The following ZNF284 variants were observed in gnomAD, a reference collection of about 807,000 sequenced individuals.
ZNF284 encodes zinc finger protein 284.
A neutral mutation model predicts 12.9 loss-of-function variants in ZNF284; 12 were observed. That is an observed-to-expected ratio of 0.93 (90% CI 0.60 to 1.51). The LOEUF is 1.51. Ranked by LOEUF, ZNF284 falls within the 40% of genes most tolerant of loss-of-function variation. The probability of loss-of-function intolerance (pLI) is 0.00; values close to 1 mark genes in which losing one functional copy is unlikely to be tolerated. For synonymous variants in ZNF284, 225 were observed against 236.5 expected (o/e 0.95, Z 0.45); for missense variants, 667 against 707.3 (o/e 0.94, Z 0.65).
chr19:44,080,249 A>G (rs866341944), intron 2 of ZNF284, among the ~76,000 whole-genome samples: 42 of 151,556 alleles, frequency 2.8e-4, no homozygotes, highest in African/African-American at 1.0e-3. Flanking sequence ...CAGAGGACCC[A>G]CTCCATGGCT....
intron 2 of ZNF284, among the ~76,000 whole-genome samples, chr19:44,079,541 C>G (rs1335002220): frequency 6.6e-6 from 1 of 152,026 alleles, no homozygotes; most frequent in Admixed American, 6.5e-5. Flanking sequence ...AACCCTGTCT[C>G]TACTAAAAAT....
At position 44,087,137 on chromosome 19, in the gene ZNF284, C is replaced by T; in HGVS notation, c.1659C>T (p.Cys553=). The change falls in exon 5 of 5, where the codon TGC becomes TGT. Residue 553 remains cysteine (C), a synonymous_variant. Coordinates refer to ENST00000421176, the MANE Select transcript of ZNF284 (RefSeq NM_001037813.4). Reference sequence around the variant, plus strand: ...GGAAGAGCAGTGAGCACAGTTCATGCCTTCAAGACCAACAAAGCGACCACA... The same window carrying T: ...GGAAGAGCAGTGAGCACAGTTCATGTCTTCAAGACCAACAAAGCGACCACA... The part of the protein sequence containing the change: ...DCGKSSEHSS[C]LQDQQSDHSG... The T allele has an allele frequency of 6.2e-7, 1 of 1,614,082 alleles. No individual in the cohort carries two copies. Among genetic ancestry groups the T allele is most frequent in the Non-Finnish European group, 8.5e-7 (1 of 1,179,998 alleles).
In ZNF284 at chr19:44,085,008, C is replaced by A. The variant is rs565641127; in HGVS notation, c.236-706C>A. On this transcript the variant is annotated intron_variant, in intron 4 of 4. Coordinates refer to ENST00000421176, the MANE Select transcript of ZNF284 (RefSeq NM_001037813.4). ...CTGGAGTGCACAGCGGAAATGTAAA[C>A]CACTAGGGCTCTCTCACTTACCCTT... Among the ~76,000 whole-genome samples the A allele has an allele frequency of 2.0e-5, 3 of 152,250 alleles. No individual in the cohort carries two copies. In the South Asian group the frequency reaches 6.2e-4, roughly 32 times the overall value.
At chr19:44,081,990 T>TA (rs764506939) in intron 3 of ZNF284, 23 bp from the exon 4 acceptor site, 2 of 1,596,100 alleles carry the variant, frequency 1.3e-6, no homozygotes, top group East Asian at 4.5e-5. Flanking sequence ...GTATTGGGAT[T>TA]AAGCATGTGA....
intron 3 of ZNF284, among the ~76,000 whole-genome samples, chr19:44,081,677 A>T (rs1292830104): frequency 6.6e-6 from 1 of 152,088 alleles, no homozygotes; most frequent in Non-Finnish European, 1.5e-5. Flanking sequence ...GCATCACTGC[A>T]CTCCAGCCTG....
At chr19:44,072,741 G>C (rs2147490125) in intron 1 of ZNF284, among the ~76,000 whole-genome samples, 1 of 152,360 alleles carries the variant, frequency 6.6e-6, no homozygotes, top group Non-Finnish European at 1.5e-5. Context: ...TCTGATTCCT[G>C]CAGGACGCTG....
At chr19:44,085,543 A>G (rs555765918) in intron 4 of ZNF284, among the ~76,000 whole-genome samples, 171 bp from the exon 5 acceptor site, 1 of 148,806 alleles carries the variant, frequency 6.7e-6, no homozygotes, top group South Asian at 2.1e-4. Flanking sequence ...ATGAGACATT[A>G]TGTCATTCAA....
Position 44,086,929 on chromosome 19 carries a change from A to G in ZNF284, c.1451A>G (p.Lys484Arg), listed in dbSNP as rs1179955949. The change falls in exon 5 of 5, where the codon AAA becomes AGA. Residue 484 changes from lysine to arginine, a missense_variant. Lys to Arg is a conservative substitution (Grantham distance 26). Transcript: ENST00000421176. Reference sequence around the variant, plus strand: ...CTCCATACTGGAGAAAAACCATTCAAATGTGAAGAGTGTGGGAAGAGGTTT... The same window carrying G: ...CTCCATACTGGAGAAAAACCATTCAGATGTGAAGAGTGTGGGAAGAGGTTT... ...KRLHTGEKPF[K>R]CEECGKRFTE... 5.6e-6 allele frequency: 9 copies of G among 1,614,214 alleles called. No homozygotes were observed. Among genetic ancestry groups the G allele is most frequent in the Non-Finnish European group, 6.8e-6 (8 of 1,180,038 alleles).
chr19:44,076,253 G>A lies in ZNF284; in HGVS notation c.-68-69G>A, dbSNP rs979595667. Reference sequence around the variant, plus strand: ...CTAATTCACAACACATGTTCATACTGTTGGGTGGCATCACTGACCACCCCT... The same window carrying A: ...CTAATTCACAACACATGTTCATACTATTGGGTGGCATCACTGACCACCCCT... On this transcript the variant is annotated intron_variant, in intron 1 of 4. Coordinates refer to ENST00000421176, the MANE Select transcript of ZNF284 (RefSeq NM_001037813.4). 6.5e-5 allele frequency: 50 copies of A among 766,900 alleles called. 1 individual carries two copies. The highest frequency in any genetic ancestry group is 2.4e-4 in the Admixed American group (10 of 42,140). The allele number at this position is 766,900 out of a possible 1,614,324, so 47.5% of individuals were successfully genotyped here.
intron 2 of ZNF284, among the ~76,000 whole-genome samples, chr19:44,079,373 C>A (rs1024964332): frequency 1.3e-5 from 2 of 152,174 alleles, no homozygotes; most frequent in Non-Finnish European, 2.9e-5. Flanking sequence ...GTGGGCAGAT[C>A]ACCTGAGGTC....
At position 44,082,115 on chromosome 19, in the gene ZNF284, A is replaced by G; in HGVS notation, c.235+10A>G. On this transcript the variant is annotated intron_variant, in intron 4 of 4. Coordinates refer to ENST00000421176, the MANE Select transcript of ZNF284 (RefSeq NM_001037813.4). ...AGAGAAGGGAATTCAGGTAAGAACC[A>G]AGCAACGATGCATCCTTGTACGTGA... 1.2e-6 allele frequency: 2 copies of G among 1,604,068 alleles called. No individual in the cohort carries two copies. Among genetic ancestry groups the G allele is most frequent in the Non-Finnish European group, 1.7e-6 (2 of 1,171,536 alleles).
chr19:44,088,403 G>A lies in ZNF284; in HGVS notation c.*1143G>A, dbSNP rs573578282. On this transcript the variant is annotated 3_prime_UTR_variant, in exon 5 of 5. Transcript: ENST00000421176. ...AAATAGTGTACCTTTGTGTATGTAT[G>A]CCACATTTTCTTTACCATTTTCTGT... is the stretch of plus-strand genomic sequence containing the variant. The A allele has an allele frequency of 6.6e-6, 1 of 152,302 alleles. No individual in the cohort carries two copies. The highest frequency in any genetic ancestry group is 2.1e-4 in the South Asian group (1 of 4,822). 9.4% of individuals were successfully genotyped at this position (152,302 alleles called of 1,614,324 possible). A position where few individuals can be genotyped will look rare whatever the true frequency, so the allele number is the denominator to read the frequency against.
intron 2 of ZNF284, among the ~76,000 whole-genome samples, chr19:44,077,048 G>A (rs992706289): frequency 3.3e-5 from 5 of 152,032 alleles, no homozygotes; most frequent in South Asian, 2.1e-4. Flanking sequence ...TTGAACTCCC[G>A]GCCTCAAGTG....
In ZNF284 at chr19:44,081,993, G is replaced by A. The variant is rs1373372199; in HGVS notation, c.143-20G>A. ...TTTACCTAAGATGTATTGGGATTAA[G>A]CATGTGACTTTGTTCACAGGGCATC... is the stretch of plus-strand genomic sequence containing the variant. On this transcript the variant is annotated intron_variant, in intron 3 of 4. Transcript: ENST00000421176. 6.3e-7 allele frequency: 1 copy of A among 1,599,250 alleles called. No individual in the cohort carries two copies. The highest frequency in any genetic ancestry group is 1.7e-5 in the Admixed American group (1 of 59,492).
chr19:44,087,263 A>G lies in ZNF284; in HGVS notation c.*3A>G. The G allele has an allele frequency of 6.6e-7, 1 of 1,513,948 alleles. No homozygotes were observed. Among genetic ancestry groups the G allele is most frequent in the Non-Finnish European group, 8.9e-7 (1 of 1,126,676 alleles). The allele number at this position is 1,513,948 out of a possible 1,614,324, so 93.8% of individuals were successfully genotyped here. A position where few individuals can be genotyped will look rare whatever the true frequency, so the allele number is the denominator to read the frequency against. ...CATTATTTTTAAATGATATATAATT[A>G]TTGTCCATATTTATGGGTTACAGCA... On this transcript the variant is annotated 3_prime_UTR_variant, in exon 5 of 5. Coordinates refer to ENST00000421176, the MANE Select transcript of ZNF284 (RefSeq NM_001037813.4).
At position 44,088,616 on chromosome 19, in the gene ZNF284, G is replaced by A. The variant is rs1475423578; in HGVS notation, c.*1356G>A. 1 of 152,254 alleles carries A rather than the reference G, an allele frequency of 6.6e-6. No homozygotes were observed. Among genetic ancestry groups the A allele is most frequent in the Non-Finnish European group, 1.5e-5 (1 of 68,052 alleles). 9.4% of individuals were successfully genotyped at this position (152,254 alleles called of 1,614,324 possible). ...TCTACACTGGAGAAAAACCATGGAA[G>A]TGTGGAGATTGTGGTACATGCTTCA... is the stretch of plus-strand genomic sequence containing the variant. On this transcript the variant is annotated 3_prime_UTR_variant, in exon 5 of 5. Transcript: ENST00000421176.
At position 44,076,381 on chromosome 19, in the gene ZNF284, G is replaced by A; in HGVS notation, c.-9G>A. 6.2e-7 allele frequency: 1 copy of A among 1,609,676 alleles called. No homozygotes were observed. The highest frequency in any genetic ancestry group is 8.5e-7 in the Non-Finnish European group (1 of 1,177,784). The stretch of plus-strand genomic sequence containing the variant: ...AGAACTCTGCAAATTCCCCAAAGAA[G>A]GAGGAAAAATGACCATGTTCAAGGT... On this transcript the variant is annotated 5_prime_UTR_variant, in exon 2 of 5. Transcript: ENST00000421176.
Position 44,087,442 on chromosome 19 carries a change from A to G in ZNF284, c.*182A>G, listed in dbSNP as rs1343758497. ...TCTAGTTATTTGAAAATAAGTTATT[A>G]TTAATTATAGTCACCTTTAGTGCTG... is the stretch of plus-strand genomic sequence containing the variant. On this transcript the variant is annotated 3_prime_UTR_variant, in exon 5 of 5. Transcript: ENST00000421176. 2.0e-6 allele frequency: 1 copy of G among 501,192 alleles called. No homozygotes were observed. Among genetic ancestry groups the G allele is most frequent in the Non-Finnish European group, 3.4e-6 (1 of 297,604 alleles). 31.0% of individuals were successfully genotyped at this position (501,192 alleles called of 1,614,324 possible). A position where few individuals can be genotyped will look rare whatever the true frequency, so the allele number is the denominator to read the frequency against.
rs1967110260 is a variant in ZNF284, at chr19:44,080,877, A to G, written c.16-138A>G. 8 of 1,149,034 alleles carry G rather than the reference A, an allele frequency of 7.0e-6. No individual in the cohort carries two copies. In the South Asian group the frequency reaches 9.1e-5, roughly 13 times the overall value. The allele number at this position is 1,149,034 out of a possible 1,614,324, so 71.2% of individuals were successfully genotyped here. ...CATTGCGAGGATACAGACAGAATGA[A>G]TGGGAAATCTGTATGTTGACCTACA... On this transcript the variant is annotated intron_variant, in intron 2 of 4. Transcript: ENST00000421176.
Sources: allele counts gnomAD v4.1 joint callset (sites outside exome capture counted in the v4.1 genomes callset), GRCh38; gene constraint gnomAD v4.1.1; transcripts MANE v1.5; gene names NCBI Gene and HGNC (gene_info 2026-07-23, HGNC 2026-07-21).